The following DISC1 variants were observed in gnomAD, a reference collection of about 807,000 sequenced individuals.
The protein encoded by DISC1 is disrupted in schizophrenia 1 protein.
Under a neutral mutation model 84.5 loss-of-function variants are expected in DISC1, and 57 were observed. That is an observed-to-expected ratio of 0.67 (90% CI 0.55 to 0.84). DISC1 has a LOEUF of 0.84. Among genes scored for constraint, DISC1 ranks in the 40% least tolerant of loss-of-function variants. The probability of loss-of-function intolerance (pLI) is 0.00; values close to 1 mark genes in which losing one functional copy is unlikely to be tolerated. For missense variants in DISC1, 1,000 were observed against 1,057.8 expected (o/e 0.95, Z 0.76); for synonymous variants, 411 against 415.2 (o/e 0.99, Z 0.12).
intron 11 of DISC1, among the ~76,000 whole-genome samples, chr1:232,021,678 G>A (rs570289554): frequency 1.1e-4 from 16 of 152,260 alleles, no homozygotes; most frequent in South Asian, 8.3e-4. Flanking sequence ...TCTGTGTAGG[G>A]ACAACCCATG....
chr1:231,924,522 A>G (rs1253748199), intron 9 of DISC1, among the ~76,000 whole-genome samples: 1 of 152,224 alleles, frequency 6.6e-6, no homozygotes, highest in Non-Finnish European at 1.5e-5. Context: ...TAATGTGGTC[A>G]TGTGAACAAT....
At chr1:231,847,219 C>A (rs1010915198) in intron 9 of DISC1, among the ~76,000 whole-genome samples, 1 of 152,066 alleles carries the variant, frequency 6.6e-6, no homozygotes, top group African/African-American at 2.4e-5. Flanking sequence ...CTCACATGGC[C>A]TTCCCTTTGT....
At chr1:231,923,579 C>T (rs1001562223) in intron 9 of DISC1, among the ~76,000 whole-genome samples, 2 of 152,208 alleles carry the variant, frequency 1.3e-5, no homozygotes, top group African/African-American at 4.8e-5. Flanking sequence ...TATTACCTCA[C>T]CCAGTATGGG....
At chr1:231,837,181 A>G (rs2082685796) in intron 9 of DISC1, among the ~76,000 whole-genome samples, 1 of 152,188 alleles carries the variant, frequency 6.6e-6, no homozygotes, top group South Asian at 2.1e-4. Context: ...ATATTTTAGC[A>G]TAATGAAGTT....
chr1:231,733,240 G>C (rs1282018960), intron 3 of DISC1, among the ~76,000 whole-genome samples: 1 of 150,824 alleles, frequency 6.6e-6, no homozygotes, highest in Admixed American at 6.6e-5. Flanking sequence ...TGGTAGGTAG[G>C]AGTGGTGGTG....
chr1:231,695,611 G>A (rs773386721), intron 2 of DISC1, among the ~76,000 whole-genome samples: 18 of 137,564 alleles, frequency 1.3e-4, no homozygotes, highest in Non-Finnish European at 1.8e-4. Context: ...GTGCATGTAG[G>A]TGTGCCTGTG....
chr1:231,933,163 A>G (rs1268298942), intron 9 of DISC1, among the ~76,000 whole-genome samples: 1 of 152,126 alleles, frequency 6.6e-6, no homozygotes, highest in African/African-American at 2.4e-5. Context: ...TATTGTCCCA[A>G]TTTTCAGAGG....
In DISC1 at chr1:232,036,273, A is replaced by G. The variant is rs914267844; in HGVS notation, c.2426-419A>G. 2.6e-5 allele frequency among the ~76,000 whole-genome samples: 4 copies of G among 152,156 alleles called. No homozygotes were observed. The South Asian group carries it at 6.2e-4, about 24-fold the overall frequency. On this transcript the variant is annotated intron_variant, in intron 12 of 12. Transcript: ENST00000439617. ...TACTTATGGCAACCCCAAATCCTGT[A>G]TTTCTCAAGGAGATTTTGATTTCAA...
chr1:231,996,170 C>T (rs1665924624), intron 10 of DISC1, among the ~76,000 whole-genome samples: 1 of 152,116 alleles, frequency 6.6e-6, no homozygotes, highest in Admixed American at 6.5e-5. Flanking sequence ...TATCCTTCGT[C>T]CACTTTTTGA....
chr1:231,862,067 T>C (rs2084704054), intron 9 of DISC1, among the ~76,000 whole-genome samples: 1 of 152,244 alleles, frequency 6.6e-6, no homozygotes, highest in South Asian at 2.1e-4. Context: ...GTTTATCAAC[T>C]GGCTTTCACC....
At chr1:231,886,926 A>G (rs551472370) in intron 9 of DISC1, among the ~76,000 whole-genome samples, 4 of 144,252 alleles carry the variant, frequency 2.8e-5, no homozygotes, top group African/African-American at 5.2e-5. Flanking sequence ...CAGTGGCGCC[A>G]TCTCAGCTCA....
intron 9 of DISC1, among the ~76,000 whole-genome samples, chr1:231,839,131 G>C (rs2082839428): frequency 6.6e-6 from 1 of 152,164 alleles, no homozygotes; most frequent in South Asian, 2.1e-4. Context: ...CCGTGGCTTG[G>C]GGATGGAAGG....
At chr1:231,672,510 C>T (rs994490582) in intron 1 of DISC1, among the ~76,000 whole-genome samples, 3 of 152,182 alleles carry the variant, frequency 2.0e-5, no homozygotes, top group Admixed American at 2.0e-4. Context: ...CACTTCCCTG[C>T]CTGGTTGACT....
At chr1:231,756,554 AG>A (rs1357183842) in intron 4 of DISC1, among the ~76,000 whole-genome samples, 6 of 138,846 alleles carry the variant, frequency 4.3e-5, no homozygotes, top group African/African-American at 1.5e-4. Flanking sequence ...AGAGAGAGAG[AG>A]AGAGAGAGAC....
chr1:231,723,424 C>G, intron 3 of DISC1: 27 of 985,722 alleles, frequency 2.7e-5, no homozygotes, highest in Non-Finnish European at 3.3e-5. Context: ...GCTGTGAGAT[C>G]AGGTGCACTG....
chr1:231,707,005 G>A (rs906296230), intron 3 of DISC1, among the ~76,000 whole-genome samples: 9 of 152,126 alleles, frequency 5.9e-5, no homozygotes, highest in Non-Finnish European at 1.0e-4. Context: ...CCACATAAGC[G>A]TTGATGTGAC....
At chr1:231,810,763 G>A (rs919543322) in intron 8 of DISC1, among the ~76,000 whole-genome samples, 1 of 152,172 alleles carries the variant, frequency 6.6e-6, no homozygotes, top group Admixed American at 6.5e-5. Context: ...TGGGTCCTAA[G>A]TTGGAATCGG....
chr1:231,667,171 C>T (rs1354465028), intron 1 of DISC1, among the ~76,000 whole-genome samples: 1 of 152,196 alleles, frequency 6.6e-6, no homozygotes, highest in East Asian at 1.9e-4. Flanking sequence ...TTTCCATTAA[C>T]TTTAAGGTAC....
At chr1:231,852,861 A>G (rs975021189) in intron 9 of DISC1, among the ~76,000 whole-genome samples, 4 of 152,254 alleles carry the variant, frequency 2.6e-5, no homozygotes, top group African/African-American at 9.6e-5. Context: ...TTTTAACATG[A>G]AAAAGAAATA....
Sources: gnomAD v4.1 joint callset for allele counts (sites outside exome capture counted in the v4.1 genomes callset) on GRCh38, gnomAD v4.1.1 for gene constraint, MANE v1.5 for transcripts, NCBI Gene and HGNC (gene_info 2026-07-23, HGNC 2026-07-21) for gene names.